Variants in RASSF8 observed in about 807,000 individuals in gnomAD.
RASSF8 encodes Ras association domain family member 8.
A neutral mutation model predicts 48.5 loss-of-function variants in RASSF8; 22 were observed. The ratio of observed to expected loss-of-function variants is 0.45; its 90% confidence interval spans 0.32 to 0.65. RASSF8 has a LOEUF of 0.65. Among genes scored for constraint, RASSF8 ranks in the 30% least tolerant of loss-of-function variants. The pLI is 0.03. For missense variants in RASSF8, 418 were observed against 489.2 expected, an observed-to-expected ratio of 0.85 and a Z score of 1.37; for synonymous variants, 127 against 171.5, an observed-to-expected ratio of 0.74 and a Z score of 2.03.
At chr12:26,029,754 G>GA (rs1219971062) in intron 2 of RASSF8, among the ~76,000 whole-genome samples, 1 of 151,912 alleles carries the variant, frequency 6.6e-6, no homozygotes, top group African/African-American at 2.4e-5. Context: ...TATTATAACA[G>GA]AAAAACAGTT....
intron 1 of RASSF8, among the ~76,000 whole-genome samples, chr12:25,964,492 G>C (rs968777421): frequency 1.3e-5 from 2 of 152,018 alleles, no homozygotes; most frequent in Non-Finnish European, 2.9e-5. Flanking sequence ...GTTTTATGTA[G>C]GTAATATATT....
intron 1 of RASSF8, among the ~76,000 whole-genome samples, chr12:25,969,914 C>G (rs1941445489): frequency 6.6e-6 from 1 of 152,098 alleles, no homozygotes. Flanking sequence ...ATGAGAAATG[C>G]TGCTTTAGAC....
At chr12:26,051,358 A>G (rs1245660201) in intron 2 of RASSF8, among the ~76,000 whole-genome samples, 1 of 152,236 alleles carries the variant, frequency 6.6e-6, no homozygotes, top group Non-Finnish European at 1.5e-5. Context: ...AATGAATAGT[A>G]GAAGAAAGAG....
intron 2 of RASSF8, among the ~76,000 whole-genome samples, chr12:26,048,811 T>C (rs993816819): frequency 1.3e-5 from 2 of 152,136 alleles, no homozygotes; most frequent in Admixed American, 6.6e-5. Context: ...TGGAGTGCAA[T>C]GGTGCATTCT....
chr12:25,962,356 C>T (rs538726958), intron 1 of RASSF8, among the ~76,000 whole-genome samples: 1 of 152,200 alleles, frequency 6.6e-6, no homozygotes, highest in Non-Finnish European at 1.5e-5. Context: ...GACAAGCCCA[C>T]CCTTATCGTC....
At chr12:26,048,518 T>G (rs1469528856) in intron 2 of RASSF8, among the ~76,000 whole-genome samples, 3 of 152,160 alleles carry the variant, frequency 2.0e-5, no homozygotes, top group African/African-American at 7.2e-5. Context: ...CTGGAGAGAT[T>G]GGGCCCATCA....
intron 1 of RASSF8, among the ~76,000 whole-genome samples, chr12:25,966,170 G>A (rs978800468): frequency 3.3e-5 from 5 of 152,186 alleles, no homozygotes; most frequent in Admixed American, 6.5e-5. Context: ...TAAACATGCT[G>A]TTTCCTTTGC....
In RASSF8 at chr12:26,071,274, A is replaced by G. The variant is rs1245871682; in HGVS notation, c.*2456A>G. The G allele has an allele frequency of 1.2e-5, 12 of 983,874 alleles. No homozygotes were observed. Among genetic ancestry groups the G allele is most frequent in the African/African-American group, 1.7e-5 (1 of 57,198 alleles). 60.9% of individuals were successfully genotyped at this position (983,874 alleles called of 1,614,324 possible). A position where few individuals can be genotyped will look rare whatever the true frequency, so the allele number is the denominator to read the frequency against. On this transcript the variant is annotated 3_prime_UTR_variant, in exon 6 of 6. Transcript: ENST00000689635. ...TCTATTGCAAATACAAATGAATTAGATAAGTGCCACATCCTGGATACATTT... is the reference window on the plus strand; with the variant it reads ...TCTATTGCAAATACAAATGAATTAGGTAAGTGCCACATCCTGGATACATTT...
chr12:26,039,464 T>A (rs1943219307), intron 2 of RASSF8, among the ~76,000 whole-genome samples: 1 of 151,764 alleles, frequency 6.6e-6, no homozygotes, highest in South Asian at 2.1e-4. Flanking sequence ...CTTAGCTGTT[T>A]GCTGTTTTGG....
chr12:25,971,755 A>G (rs1941491138), intron 1 of RASSF8, among the ~76,000 whole-genome samples: 1 of 152,226 alleles, frequency 6.6e-6, no homozygotes, highest in South Asian at 2.1e-4. Flanking sequence ...TTAAAAATGT[A>G]TTGTAGATAC....
At chr12:26,049,050 G>T (rs561559887) in intron 2 of RASSF8, among the ~76,000 whole-genome samples, 2 of 152,146 alleles carry the variant, frequency 1.3e-5, no homozygotes, top group Non-Finnish European at 2.9e-5. Context: ...GAACCACTGT[G>T]CCCAGCCCTC....
In RASSF8 at chr12:26,069,167, GTTTAA is replaced by G. The variant is rs574487952; in HGVS notation, c.*354_*358del. 1.2e-4 allele frequency: 114 copies of G among 989,636 alleles called. 1 individual carries two copies. Among genetic ancestry groups the G allele is most frequent in the African/African-American group, 8.9e-4 (51 of 57,462 alleles). 61.3% of individuals were successfully genotyped at this position (989,636 alleles called of 1,614,324 possible). A position where few individuals can be genotyped will look rare whatever the true frequency, so the allele number is the denominator to read the frequency against. ...TGAAGAGAAATTTGTGACTGGCTTA[GTTTAA>G]TTTATTTCATGTAATCAATGTGTGA... On this transcript the variant is annotated 3_prime_UTR_variant, in exon 6 of 6. Transcript: ENST00000689635.
downstream of RASSF8, among the ~76,000 whole-genome samples, chr12:26,073,553 G>A (rs530086613): frequency 4.6e-5 from 7 of 152,104 alleles, no homozygotes; most frequent in East Asian, 1.9e-4. Context: ...CCTGGCCAAC[G>A]TGGCGAAACC....
chr12:25,979,490 C>G (rs1255984819), intron 1 of RASSF8, among the ~76,000 whole-genome samples: 1 of 151,302 alleles, frequency 6.6e-6, no homozygotes, highest in Non-Finnish European at 1.5e-5. Context: ...GAATTGGAGA[C>G]TTAAAAAAAA....
At position 25,980,837 on chromosome 12, in the gene RASSF8, A is replaced by G. The variant is rs139576928; in HGVS notation, c.-202-14200A>G. ...TATTTCAATTCAGTAATTGTTTTAG[A>G]TAAGTTTCTTAAACACTTTCCTCTT... On this transcript the variant is annotated intron_variant, in intron 1 of 5. Transcript: ENST00000689635. Among the ~76,000 whole-genome samples the G allele has an allele frequency of 3.9e-5, 6 of 152,336 alleles. No individual in the cohort carries two copies. In the East Asian group the frequency reaches 9.6e-4, roughly 24 times the overall value.
In RASSF8 at chr12:26,020,894, T is replaced by C. The variant is rs1942772402; in HGVS notation, c.-109+25764T>C. ...GTTCTCATCTATAAGATGAGGAAAG[T>C]AAAACAACATGTGTATCTTACGAAG... On this transcript the variant is annotated intron_variant, in intron 2 of 5. Transcript: ENST00000689635. Among the ~76,000 whole-genome samples, 3 of 152,182 alleles carry C rather than the reference T, an allele frequency of 2.0e-5. No homozygotes were observed. In the South Asian group the frequency reaches 6.2e-4, roughly 32 times the overall value.
chr12:25,972,048 T>C (rs1048645607), intron 1 of RASSF8, among the ~76,000 whole-genome samples: 6 of 152,186 alleles, frequency 3.9e-5, no homozygotes, highest in Admixed American at 1.3e-4. Flanking sequence ...CAGCTAGTCG[T>C]TGAGTGAATT....
downstream of RASSF8, among the ~76,000 whole-genome samples, chr12:26,073,233 T>G (rs1944034187): frequency 6.6e-6 from 1 of 152,230 alleles, no homozygotes; most frequent in Admixed American, 6.5e-5. Flanking sequence ...TCCAAGGAAC[T>G]GCTCCTAAAT....
intron 2 of RASSF8, among the ~76,000 whole-genome samples, chr12:26,041,024 A>G (rs1238902687): frequency 6.6e-6 from 1 of 150,494 alleles, no homozygotes; most frequent in Non-Finnish European, 1.5e-5. Context: ...AGTAATTGGG[A>G]CTACGGGTGC....
Sources: allele counts gnomAD v4.1 joint callset (sites outside exome capture counted in the v4.1 genomes callset), GRCh38; gene constraint gnomAD v4.1.1; transcripts MANE v1.5; gene names NCBI Gene and HGNC (gene_info 2026-07-23, HGNC 2026-07-21).